The following VARS1 variants were observed in gnomAD, a reference collection of about 807,000 sequenced individuals.
The protein encoded by VARS1 is valine--tRNA ligase.
A neutral mutation model predicts 161.0 loss-of-function variants in VARS1; 92 were observed. That is an observed-to-expected ratio of 0.57 (90% CI 0.48 to 0.68). The LOEUF (loss-of-function observed/expected upper bound fraction) is 0.68, where lower values mean the gene tolerates loss of function less well. Ranked by LOEUF, VARS1 falls within the 30% of genes least tolerant of loss-of-function variation. The probability of loss-of-function intolerance (pLI) is 0.00; values close to 1 mark genes in which losing one functional copy is unlikely to be tolerated. For synonymous variants in VARS1, 595 were observed against 682.5 expected, an observed-to-expected ratio of 0.87 and a Z score of 2.00; for missense variants, 1,338 against 1,695.9, an observed-to-expected ratio of 0.79 and a Z score of 3.71.
rs1400404744 is a variant in VARS1 at position 31,795,612 on chromosome 6, G to C, written c.-100C>G. 1 of 168,170 alleles carries C rather than the reference G, an allele frequency of 5.9e-6. No individual in the cohort carries two copies. The highest frequency in any genetic ancestry group is 1.3e-5 in the Non-Finnish European group (1 of 78,960). The allele number at this position is 168,170 out of a possible 1,614,324, so 10.4% of individuals were successfully genotyped here. On this transcript the variant is annotated 5_prime_UTR_variant, in exon 1 of 30. Transcript: ENST00000375663. The surrounding 1 kb of genome is among the most constrained non-coding windows in gnomAD (Gnocchi z 6.9). Reference sequence around the variant, plus strand: ...GCCAGGCGCCGGCCGCGGCTGGACCGGCCGAGCGGCCCGGGCGGAGGAGTC... The same window carrying C: ...GCCAGGCGCCGGCCGCGGCTGGACCCGCCGAGCGGCCCGGGCGGAGGAGTC...
In VARS1 at chr6:31,780,566, G is replaced by A. The variant is rs752236842; in HGVS notation, c.2800C>T (p.Arg934Cys). Residue 934 changes from arginine (R) to cysteine (C), a missense_variant and splice_region_variant, in exon 25 of 30, where the codon CGT becomes TGT. This residue lies in a region of VARS1 where 433 missense variants were observed against 586.2 expected (regional missense o/e 0.74). Coordinates refer to ENST00000375663, the MANE Select transcript of VARS1 (RefSeq NM_006295.3). This position sits in a 1 kb window ranked among gnomAD's most constrained non-coding sequence, Gnocchi z 5.1. ...FGLCAYMSQG[R>C]DINLDVNRIL... ...CGGTTCACATCCAGGTTGATGTCAC[G>A]ACCTGGGTCGGGGGTGAGATGTGAG... 4 of 1,613,452 alleles carry A rather than the reference G, an allele frequency of 2.5e-6. No individual in the cohort carries two copies. Among genetic ancestry groups the A allele is most frequent in the African/African-American group, 1.3e-5 (1 of 74,940 alleles).
chr6:31,788,042 C>A (rs375990635), intron 8 of VARS1, among the ~76,000 whole-genome samples: 1 of 151,262 alleles, frequency 6.6e-6, no homozygotes, highest in African/African-American at 2.4e-5. Context: ...ATGGTGTGAA[C>A]CTGGGAGGAG....
chr6:31,779,875 C>T lies in VARS1; in HGVS notation c.3082-61G>A, dbSNP rs535140321. 6.2e-7 allele frequency: 1 copy of T among 1,605,592 alleles called. No homozygotes were observed. Among genetic ancestry groups the T allele is most frequent in the South Asian group, 1.1e-5 (1 of 90,658 alleles). ...GTCTAGCCTTGAGCCCTCGCTGTGC[C>T]TGTGAGGACTGGGAAGGGGATGGGT... On this transcript the variant is annotated intron_variant, in intron 26 of 29. Coordinates refer to ENST00000375663, the MANE Select transcript of VARS1 (RefSeq NM_006295.3). This position sits in a 1 kb window ranked among gnomAD's most constrained non-coding sequence, Gnocchi z 9.1.
Position 31,779,678 on chromosome 6 carries a change from T to TG in VARS1, c.3217dup (p.Gln1073ProfsTer13). The TG allele has an allele frequency of 6.2e-7, 1 of 1,612,960 alleles. No homozygotes were observed. The highest frequency in any genetic ancestry group is 8.5e-7 in the Non-Finnish European group (1 of 1,179,990). On this transcript the variant is annotated frameshift_variant, in exon 27 of 30. Transcript: ENST00000375663. LOFTEE classifies it high-confidence loss of function. The surrounding 1 kb of genome is among the most constrained non-coding windows in gnomAD (Gnocchi z 9.1). Reference sequence around the variant, plus strand: ...TTGCGGCATCCTCCGGGGCAGCCTCTGGAACAGCTCCTCCGTCACGAAGGG... The same window carrying TG: ...TTGCGGCATCCTCCGGGGCAGCCTCTGGGAACAGCTCCTCCGTCACGAAGGG...
At position 31,779,620 on chromosome 6, in the gene VARS1, C is replaced by T. The variant is rs746743378; in HGVS notation, c.3276G>A (p.Pro1092=). ...GGCCATGCCATACCTCTGAGGGCTC[C>T]GGGTAGGGGGTAACACAGAGGCTAG... The part of the protein sequence containing the change: ...APPSLCVTPY[P]EPSECSWKDP... Residue 1092 remains proline, a synonymous_variant, in exon 27 of 30, where the codon CCG becomes CCA. Coordinates refer to ENST00000375663, the MANE Select transcript of VARS1 (RefSeq NM_006295.3). This position sits in a 1 kb window ranked among gnomAD's most constrained non-coding sequence, Gnocchi z 9.1. 22 of 1,612,308 alleles carry T rather than the reference C, an allele frequency of 1.4e-5. No individual in the cohort carries two copies. Among genetic ancestry groups the T allele is most frequent in the Non-Finnish European group, 1.9e-5 (22 of 1,179,754 alleles).
In VARS1 at chr6:31,777,692, C is replaced by T; in HGVS notation, c.3727-30G>A. The stretch of plus-strand genomic sequence containing the variant: ...AGTGGAACCAGGGGGTGGGTGAGGA[C>T]CCAGGTCCAAGTGAAGAGACCCCCA... On this transcript the variant is annotated intron_variant, in intron 29 of 29. Transcript: ENST00000375663. This position sits in a 1 kb window ranked among gnomAD's most constrained non-coding sequence, Gnocchi z 5.8. 1 of 1,606,816 alleles carries T rather than the reference C, an allele frequency of 6.2e-7. No homozygotes were observed. Among genetic ancestry groups the T allele is most frequent in the Non-Finnish European group, 8.5e-7 (1 of 1,176,494 alleles).
chr6:31,784,045 C>A lies in VARS1; in HGVS notation c.1671+169G>T, dbSNP rs550363050. On this transcript the variant is annotated intron_variant, in intron 13 of 29. Transcript: ENST00000375663. The surrounding 1 kb of genome is among the most constrained non-coding windows in gnomAD (Gnocchi z 6.1). The stretch of plus-strand genomic sequence containing the variant: ...GACTATCCCAACACTTGAACTCCCC[C>A]AAACAGTCCCCAATAGCTCTACCCT... 3.2e-4 allele frequency among the ~76,000 whole-genome samples: 49 copies of A among 152,272 alleles called. No individual in the cohort carries two copies. The highest frequency in any genetic ancestry group is 1.2e-3 in the African/African-American group (49 of 41,552).
In VARS1 at chr6:31,778,891, G is replaced by C; in HGVS notation, c.3726+76C>G. 6.3e-7 allele frequency: 1 copy of C among 1,576,540 alleles called. No homozygotes were observed. Among genetic ancestry groups the C allele is most frequent in the Non-Finnish European group, 8.7e-7 (1 of 1,152,136 alleles). On this transcript the variant is annotated intron_variant, in intron 29 of 29. Transcript: ENST00000375663. This position sits in a 1 kb window ranked among gnomAD's most constrained non-coding sequence, Gnocchi z 5.1. ...CGATCAATTAGTTGTCAACACCACT[G>C]CACTCGGACCAGCCCAGACCAGGGT... is the stretch of plus-strand genomic sequence containing the variant.
At position 31,782,034 on chromosome 6, in the gene VARS1, A is replaced by C. The variant is rs1022471020; in HGVS notation, c.2241+53T>G. The stretch of plus-strand genomic sequence containing the variant: ...CCCTCCCCCCACCAAGGACCCAGTA[A>C]ACCCACCACTCCAGCAGGGTGTCCC... On this transcript the variant is annotated intron_variant, in intron 18 of 29. Transcript: ENST00000375663. This position sits in a 1 kb window ranked among gnomAD's most constrained non-coding sequence, Gnocchi z 8.3. 1.2e-6 allele frequency: 2 copies of C among 1,603,494 alleles called. No individual in the cohort carries two copies. Among genetic ancestry groups the C allele is most frequent in the Non-Finnish European group, 1.7e-6 (2 of 1,176,156 alleles).
chr6:31,791,534 T>G lies in VARS1; in HGVS notation c.1100+76A>C. ...AGCACCAACCCAGAAGGAGAGAGGC[T>G]CGGGGGGCTGTCAGGGAAAAGGAGA... On this transcript the variant is annotated intron_variant, in intron 8 of 29. Transcript: ENST00000375663. This position sits in a 1 kb window ranked among gnomAD's most constrained non-coding sequence, Gnocchi z 5.0. 6.6e-7 allele frequency: 1 copy of G among 1,526,134 alleles called. No individual in the cohort carries two copies. The highest frequency in any genetic ancestry group is 8.8e-7 in the Non-Finnish European group (1 of 1,137,672). 94.5% of individuals were successfully genotyped at this position (1,526,134 alleles called of 1,614,324 possible).
At position 31,782,074 on chromosome 6, in the gene VARS1, G is replaced by A. The variant is rs998960951; in HGVS notation, c.2241+13C>T. 13 of 1,612,878 alleles carry A rather than the reference G, an allele frequency of 8.1e-6. No individual in the cohort carries two copies. The highest frequency in any genetic ancestry group is 1.3e-5 in the African/African-American group (1 of 74,904). ...CAGGGTGTCCCAGCAGCTAGCTCTGGCCCTCTGCTCACCTCCCCAGGGGGC... is the reference window on the plus strand; with the variant it reads ...CAGGGTGTCCCAGCAGCTAGCTCTGACCCTCTGCTCACCTCCCCAGGGGGC... On this transcript the variant is annotated intron_variant, in intron 18 of 29. Coordinates refer to ENST00000375663, the MANE Select transcript of VARS1 (RefSeq NM_006295.3). This position sits in a 1 kb window ranked among gnomAD's most constrained non-coding sequence, Gnocchi z 8.3.
In VARS1 at chr6:31,785,340, A is replaced by G; in HGVS notation, c.1266-13T>C. On this transcript the variant is annotated splice_polypyrimidine_tract_variant and intron_variant, in intron 9 of 29. Transcript: ENST00000375663. The surrounding 1 kb of genome is among the most constrained non-coding windows in gnomAD (Gnocchi z 6.1). The stretch of plus-strand genomic sequence containing the variant: ...CCGGTCACCTTTCCTGGAAGCAGAC[A>G]GGCTGAGGTCAGCACTCGTGCCTGG... The G allele has an allele frequency of 2.5e-6, 4 of 1,613,058 alleles. No homozygotes were observed. The highest frequency in any genetic ancestry group is 3.4e-6 in the Non-Finnish European group (4 of 1,180,020).
intron 8 of VARS1, among the ~76,000 whole-genome samples, chr6:31,789,941 G>A (rs2151430774): frequency 6.6e-6 from 1 of 151,948 alleles, no homozygotes; most frequent in East Asian, 1.9e-4. Context: ...GGAGAATGGC[G>A]TTAACGTGGG....
rs909267 is a variant in VARS1 at position 31,778,771 on chromosome 6, T to C, written c.3726+196A>G. The C allele has an allele frequency of 0.086, 63,367 of 735,932 alleles. 3,675 individuals carry two copies. Among genetic ancestry groups the C allele is most frequent in the African/African-American group, 0.23 (12,661 of 55,712 alleles). 45.6% of individuals were successfully genotyped at this position (735,932 alleles called of 1,614,324 possible). ...ATCCACCCACCTTGGCCTCCCAAAT[T>C]TCTGGGATTACAGGTGTGAGCCACT... On this transcript the variant is annotated intron_variant, in intron 29 of 29. Transcript: ENST00000375663. The surrounding 1 kb of genome is among the most constrained non-coding windows in gnomAD (Gnocchi z 5.1).
chr6:31,791,508 G>C lies in VARS1; in HGVS notation c.1100+102C>G, dbSNP rs1031239306. 1 of 1,472,610 alleles carries C rather than the reference G, an allele frequency of 6.8e-7. No individual in the cohort carries two copies. Among genetic ancestry groups the C allele is most frequent in the African/African-American group, 1.4e-5 (1 of 70,756 alleles). 91.2% of individuals were successfully genotyped at this position (1,472,610 alleles called of 1,614,324 possible). ...GTGTAGCACCACTGGGGGCAGAAGT[G>C]AGCACCAACCCAGAAGGAGAGAGGC... is the stretch of plus-strand genomic sequence containing the variant. On this transcript the variant is annotated intron_variant, in intron 8 of 29. Transcript: ENST00000375663. This position sits in a 1 kb window ranked among gnomAD's most constrained non-coding sequence, Gnocchi z 5.0.
rs901122712 is a variant in VARS1 at position 31,784,851 on chromosome 6, T to C, written c.1348-137A>G. 1 of 1,275,136 alleles carries C rather than the reference T, an allele frequency of 7.8e-7. No individual in the cohort carries two copies. The highest frequency in any genetic ancestry group is 1.1e-6 in the Non-Finnish European group (1 of 931,322). The allele number at this position is 1,275,136 out of a possible 1,614,324, so 79.0% of individuals were successfully genotyped here. A position where few individuals can be genotyped will look rare whatever the true frequency, so the allele number is the denominator to read the frequency against. ...AAAGACCCCTCTGAGGGGAGTACTTTCCTTCTTTCCTTGAGGGGGAGAGAG... is the reference window on the plus strand; with the variant it reads ...AAAGACCCCTCTGAGGGGAGTACTTCCCTTCTTTCCTTGAGGGGGAGAGAG... On this transcript the variant is annotated intron_variant, in intron 10 of 29. Coordinates refer to ENST00000375663, the MANE Select transcript of VARS1 (RefSeq NM_006295.3). The surrounding 1 kb of genome is among the most constrained non-coding windows in gnomAD (Gnocchi z 6.1).
At chr6:31,793,378 C>T (rs1266032920) in intron 2 of VARS1, among the ~76,000 whole-genome samples, 6 of 151,900 alleles carry the variant, frequency 3.9e-5, no homozygotes, top group Admixed American at 2.6e-4. Flanking sequence ...TGGTGGCGGG[C>T]GCCTGTAGTC....
At chr6:31,788,490 G>A (rs1451954284) in intron 8 of VARS1, among the ~76,000 whole-genome samples, 1 of 148,484 alleles carries the variant, frequency 6.7e-6, no homozygotes, top group African/African-American at 2.5e-5. Context: ...GAGAGACTCT[G>A]TCTCAAAAAA....
At position 31,778,964 on chromosome 6, in the gene VARS1, C is replaced by T. The variant is rs1812922285; in HGVS notation, c.3726+3G>A. On this transcript the variant is annotated splice_donor_region_variant and intron_variant, in intron 29 of 29. Coordinates refer to ENST00000375663, the MANE Select transcript of VARS1 (RefSeq NM_006295.3). The surrounding 1 kb of genome is among the most constrained non-coding windows in gnomAD (Gnocchi z 5.1). ...GTGGGAAATGCCCACCCAGGCCACA[C>T]ACCTTGGCTTCATCTGCCTCCTGGA... The T allele has an allele frequency of 1.9e-6, 3 of 1,613,072 alleles. No individual in the cohort carries two copies. The highest frequency in any genetic ancestry group is 1.3e-5 in the African/African-American group (1 of 75,072).
Sources: gnomAD v4.1 joint callset for allele counts (sites outside exome capture counted in the v4.1 genomes callset) on GRCh38, gnomAD v4.1.1 for gene constraint, gnomAD v4.1.1 regional missense constraint, Gnocchi (gnomAD v3.1) non-coding constraint, MANE v1.5 for transcripts, NCBI Gene and HGNC (gene_info 2026-07-23, HGNC 2026-07-21) for gene names.